Variants in FGD5 observed in about 807,000 individuals in gnomAD.
The protein encoded by FGD5 is FYVE, RhoGEF and PH domain-containing protein 5.
A neutral mutation model predicts 133.4 loss-of-function variants in FGD5; 28 were observed. The observed-to-expected ratio is 0.21, with a 90% CI of 0.16 to 0.29. The LOEUF is 0.29. Among genes scored for constraint, FGD5 ranks in the 10% least tolerant of loss-of-function variants. The pLI, the probability that FGD5 is intolerant of heterozygous loss-of-function variation, is 1.00. For missense variants in FGD5, 1,858 were observed against 1,895.2 expected (o/e 0.98, Z 0.36); for synonymous variants, 810 against 776.5 (o/e 1.04, Z -0.72).
At chr3:14,913,255 G>A (rs1300140931) in intron 11 of FGD5, among the ~76,000 whole-genome samples, 1 of 152,162 alleles carries the variant, frequency 6.6e-6, no homozygotes, top group African/African-American at 2.4e-5. Flanking sequence ...TACATGCCTG[G>A]CAGGTAGAAG....
chr3:14,818,898 C>T (rs2036424676), upstream of FGD5: 1 of 1,422,810 alleles, frequency 7.0e-7, no homozygotes, highest in Non-Finnish European at 9.1e-7. Context: ...GTAGGAGACT[C>T]TGAATGGCAA....
In FGD5 at chr3:14,934,085, T is replaced by G. The variant is rs1397975765; in HGVS notation, c.*918T>G. ...AACATTGTTTATGGGAATCTATCCTTCTTTTAGACACACGGTAATCCTTGG... is the reference window on the plus strand; with the variant it reads ...AACATTGTTTATGGGAATCTATCCTGCTTTTAGACACACGGTAATCCTTGG... On this transcript the variant is annotated 3_prime_UTR_variant, in exon 20 of 20. Transcript: ENST00000285046. 1 of 152,272 alleles carries G rather than the reference T, an allele frequency of 6.6e-6. No homozygotes were observed. The highest frequency in any genetic ancestry group is 2.1e-4 in the South Asian group (1 of 4,834). 9.4% of individuals were successfully genotyped at this position (152,272 alleles called of 1,614,324 possible). A position where few individuals can be genotyped will look rare whatever the true frequency, so the allele number is the denominator to read the frequency against.
intron 1 of FGD5, among the ~76,000 whole-genome samples, chr3:14,823,710 G>A (rs1367390350): frequency 1.3e-5 from 2 of 152,224 alleles, no homozygotes; most frequent in Non-Finnish European, 2.9e-5. Context: ...GGGATGCCAG[G>A]TCTGGTTGTG....
chr3:14,884,002 C>T (rs2037877678), intron 4 of FGD5, among the ~76,000 whole-genome samples: 2 of 152,160 alleles, frequency 1.3e-5, no homozygotes, highest in Admixed American at 6.5e-5. Context: ...CATCATTGCA[C>T]ATGGTTAGAA....
In FGD5 at chr3:14,922,410, G is replaced by T; in HGVS notation, c.3670-1G>T. The T allele has an allele frequency of 6.4e-7, 1 of 1,564,254 alleles. No homozygotes were observed. Among genetic ancestry groups the T allele is most frequent in the Non-Finnish European group, 8.7e-7 (1 of 1,154,112 alleles). ...TTACTCAGCCAATTCTGTTGCTGCA[G>T]ATACGAGAGAGGCTGGGGGTTAGCC... On this transcript the variant is annotated splice_acceptor_variant, in intron 14 of 19. Transcript: ENST00000285046. LOFTEE classifies it high-confidence loss of function. The surrounding 1 kb of genome is among the most constrained non-coding windows in gnomAD (Gnocchi z 4.1).
intron 1 of FGD5, among the ~76,000 whole-genome samples, chr3:14,821,935 A>G (rs543589712): frequency 6.6e-6 from 1 of 152,252 alleles, no homozygotes; most frequent in Admixed American, 6.5e-5. Flanking sequence ...CCCCGTCTCT[A>G]CTAAAAATAC....
chr3:14,920,538 G>A (rs558629949), intron 13 of FGD5: 208 of 152,226 alleles, frequency 1.4e-3, no homozygotes, highest in African/African-American at 4.8e-3. Flanking sequence ...TCAGTGCCAG[G>A]TCTGGCAACA....
At position 14,897,514 on chromosome 3, in the gene FGD5, C is replaced by T. The variant is rs1389279933; in HGVS notation, c.2754C>T (p.Phe918=). ...CAGACCTTTTGGTGTTTCAGGATTT[C>T]CATGGAGCTGTCATGAGGGCCTTGG... is the stretch of plus-strand genomic sequence containing the variant. ...VEMLQHLNLD[F]HGAVMRALDD... The change falls in exon 5 of 20, where the codon TTC becomes TTT. Residue 918 remains phenylalanine (F), a synonymous_variant. Coordinates refer to ENST00000285046, the MANE Select transcript of FGD5 (RefSeq NM_152536.4). 5 of 1,604,490 alleles carry T rather than the reference C, an allele frequency of 3.1e-6. No individual in the cohort carries two copies. Among genetic ancestry groups the T allele is most frequent in the Non-Finnish European group, 4.3e-6 (5 of 1,175,674 alleles).
intron 1 of FGD5, among the ~76,000 whole-genome samples, chr3:14,854,232 G>T (rs1374526963): frequency 6.6e-6 from 1 of 151,982 alleles, no homozygotes; most frequent in African/African-American, 2.4e-5. Context: ...TGACCACCTG[G>T]CCCTTTTCCC....
In FGD5 at chr3:14,843,773, C is replaced by T. The variant is rs979341236; in HGVS notation, c.2526-20355C>T. 4.0e-5 allele frequency among the ~76,000 whole-genome samples: 6 copies of T among 149,820 alleles called. No homozygotes were observed. In the Admixed American group the frequency reaches 4.0e-4, roughly 10 times the overall value. ...TGGCGTGATCTCGGCTTACTGCAAC[C>T]TCTGCCTCCTGGGTTCACGTGATTC... On this transcript the variant is annotated intron_variant, in intron 1 of 19. Coordinates refer to ENST00000285046, the MANE Select transcript of FGD5 (RefSeq NM_152536.4).
intron 7 of FGD5, among the ~76,000 whole-genome samples, chr3:14,899,310 C>T (rs1387969426): frequency 6.6e-6 from 1 of 152,180 alleles, no homozygotes; most frequent in Non-Finnish European, 1.5e-5. Flanking sequence ...GGCCTCCCAT[C>T]CTCCACTGCT....
At chr3:14,823,002 A>G (rs570012793) in intron 1 of FGD5, among the ~76,000 whole-genome samples, 1 of 152,250 alleles carries the variant, frequency 6.6e-6, no homozygotes, top group East Asian at 1.9e-4. Context: ...AAGGCGATTT[A>G]TTTATTAGTT....
chr3:14,830,227 T>G (rs1181059460), intron 1 of FGD5, among the ~76,000 whole-genome samples: 1 of 152,282 alleles, frequency 6.6e-6, no homozygotes. Flanking sequence ...AAAATTATTA[T>G]AATCTCAAAA....
chr3:14,902,281 TAAAAAA>T (rs34728691), intron 9 of FGD5, among the ~76,000 whole-genome samples: 2 of 124,486 alleles, frequency 1.6e-5, no homozygotes, highest in Non-Finnish European at 3.3e-5. Context: ...GATTCCATCT[TAAAAAA>T]AAAAAAAAAA....
intron 1 of FGD5, among the ~76,000 whole-genome samples, chr3:14,829,832 C>T (rs1284546723): frequency 6.6e-6 from 1 of 152,208 alleles, no homozygotes; most frequent in Non-Finnish European, 1.5e-5. Flanking sequence ...CCTGTCAGTG[C>T]ACCCCCAGAT....
chr3:14,824,601 A>T (rs550270529), intron 1 of FGD5, among the ~76,000 whole-genome samples: 103 of 152,328 alleles, frequency 6.8e-4, no homozygotes, highest in African/African-American at 2.4e-3. Context: ...GCTGGGCCGC[A>T]GTTTGCTCAT....
chr3:14,817,270 A>T (rs1390760387), upstream of FGD5, among the ~76,000 whole-genome samples: 1 of 151,748 alleles, frequency 6.6e-6, no homozygotes, highest in East Asian at 1.9e-4. Context: ...ATCTTGGCTT[A>T]TTGCAACCTC....
At chr3:14,881,150 G>A (rs902317089) in intron 4 of FGD5, among the ~76,000 whole-genome samples, 5 of 152,134 alleles carry the variant, frequency 3.3e-5, no homozygotes, top group South Asian at 2.1e-4. Flanking sequence ...GTTTATGTTC[G>A]TATGGAGAAG....
rs530407040 is a variant in FGD5, at chr3:14,830,139, C to T, written c.2525+8543C>T. ...TATCTGCCTGTAAGCCAGGAGCCTTCCTGTTATTATGTTTTTGACAAATGA... is the reference window on the plus strand; with the variant it reads ...TATCTGCCTGTAAGCCAGGAGCCTTTCTGTTATTATGTTTTTGACAAATGA... On this transcript the variant is annotated intron_variant, in intron 1 of 19. Coordinates refer to ENST00000285046, the MANE Select transcript of FGD5 (RefSeq NM_152536.4). Among the ~76,000 whole-genome samples the T allele has an allele frequency of 5.3e-5, 8 of 152,240 alleles. No individual in the cohort carries two copies. In the South Asian group the frequency reaches 1.7e-3, roughly 32 times the overall value.
Sources: allele counts gnomAD v4.1 joint callset (sites outside exome capture counted in the v4.1 genomes callset), GRCh38; gene constraint gnomAD v4.1.1; non-coding constraint Gnocchi (gnomAD v3.1); transcripts MANE v1.5; gene names NCBI Gene and HGNC (gene_info 2026-07-23, HGNC 2026-07-21).